Variants in DPYD observed in about 807,000 individuals in gnomAD.
DPYD encodes dihydropyrimidine dehydrogenase.
A neutral mutation model predicts 116.2 loss-of-function variants in DPYD; 109 were observed. The observed-to-expected ratio is 0.94, with a 90% CI of 0.80 to 1.10. The LOEUF (loss-of-function observed/expected upper bound fraction) is 1.10. Ranked by LOEUF, DPYD falls within the 50% of genes least tolerant of loss-of-function variation. The probability of loss-of-function intolerance (pLI) is 0.00; values close to 1 mark genes in which losing one functional copy is unlikely to be tolerated. For missense variants in DPYD, 1,302 were observed against 1,254.5 expected, an observed-to-expected ratio of 1.04 and a Z score of -0.57; for synonymous variants, 440 against 432.0, an observed-to-expected ratio of 1.02 and a Z score of -0.23.
At chr1:97,399,300 G>A (rs945350809) in intron 14 of DPYD, among the ~76,000 whole-genome samples, 4 of 152,018 alleles carry the variant, frequency 2.6e-5, no homozygotes, top group Non-Finnish European at 5.9e-5. Context: ...TGTTCCATTG[G>A]TCTATATCTC....
chr1:97,417,864 G>A (rs993041204), intron 14 of DPYD, among the ~76,000 whole-genome samples: 2 of 151,964 alleles, frequency 1.3e-5, no homozygotes, highest in African/African-American at 4.8e-5. Flanking sequence ...TGTCTCTCTG[G>A]GGAAATTCAT....
chr1:97,465,034 T>C (rs902078814), intron 13 of DPYD, among the ~76,000 whole-genome samples: 5 of 152,170 alleles, frequency 3.3e-5, no homozygotes, highest in African/African-American at 1.2e-4. Context: ...GTGAAGGCCA[T>C]GAAAGCCCAC....
chr1:97,234,715 A>G, intron 19 of DPYD, 137 bp downstream of exon 19: 3 of 1,055,400 alleles, frequency 2.8e-6, no homozygotes, highest in South Asian at 2.8e-5. Context: ...GGAACTTAAT[A>G]CATGCTGCCA....
rs56155632 is a variant in DPYD, at chr1:97,082,100, T to C, written c.2907+230A>G. ...TAATGTTGTGGCTGATGAAATGGTA[T>C]AAAAATAATTCTGTGCATTAAATGC... On this transcript the variant is annotated intron_variant, in intron 22 of 22. Transcript: ENST00000370192. Among the ~76,000 whole-genome samples, 3 of 152,096 alleles carry C rather than the reference T, an allele frequency of 2.0e-5. No homozygotes were observed. The East Asian group carries it at 5.8e-4, about 29-fold the overall frequency.
intron 13 of DPYD, among the ~76,000 whole-genome samples, chr1:97,486,180 CT>C (rs555102848): frequency 3.6e-4 from 55 of 152,088 alleles, no homozygotes; most frequent in African/African-American, 1.3e-3. Context: ...TTTTTAAATG[CT>C]TGTTTTTGAA....
chr1:97,530,634 T>C (rs899570318), intron 12 of DPYD, among the ~76,000 whole-genome samples: 1 of 152,200 alleles, frequency 6.6e-6, no homozygotes, highest in African/African-American at 2.4e-5. Context: ...TTATTTTAGA[T>C]ATATACCCAG....
intron 2 of DPYD, among the ~76,000 whole-genome samples, chr1:97,879,367 T>C (rs1290079556): frequency 6.6e-6 from 1 of 151,982 alleles, no homozygotes; most frequent in Non-Finnish European, 1.5e-5. Context: ...GCTAATTGGC[T>C]GTCTTTAACT....
At chr1:97,157,214 T>C (rs1485755423) in intron 20 of DPYD, among the ~76,000 whole-genome samples, 1 of 151,706 alleles carries the variant, frequency 6.6e-6, no homozygotes, top group Non-Finnish European at 1.5e-5. Flanking sequence ...CATGTATACA[T>C]ATGTAACTAA....
At chr1:97,403,634 C>T (rs55912562) in intron 14 of DPYD, among the ~76,000 whole-genome samples, 29,019 of 151,750 alleles carry the variant, frequency 0.19, 2,931 homozygotes, top group South Asian at 0.36. Context: ...TTTTAGTGTC[C>T]CTGGGACCCG....
chr1:97,595,466 G>A (rs1160091592), intron 8 of DPYD, among the ~76,000 whole-genome samples: 3 of 151,606 alleles, frequency 2.0e-5, no homozygotes, highest in Non-Finnish European at 4.4e-5. Context: ...GGAAAATCAG[G>A]TTATATTCTT....
intron 14 of DPYD, among the ~76,000 whole-genome samples, chr1:97,431,004 A>T (rs1675148889): frequency 2.6e-5 from 4 of 152,222 alleles, no homozygotes; most frequent in South Asian, 4.1e-4. Flanking sequence ...GGAGGAAATT[A>T]AAAAATAGGG....
chr1:97,158,469 C>G (rs1283588943), intron 20 of DPYD, among the ~76,000 whole-genome samples: 1 of 51,016 alleles, frequency 2.0e-5, no homozygotes, highest in Non-Finnish European at 5.1e-5. Flanking sequence ...AGATAACTCA[C>G]CAGACACACA....
intron 18 of DPYD, among the ~76,000 whole-genome samples, chr1:97,242,994 C>A (rs1662478248): frequency 6.6e-6 from 1 of 151,808 alleles, no homozygotes; most frequent in Non-Finnish European, 1.5e-5. Context: ...ATTCAGCATA[C>A]ACGATTGGTT....
intron 20 of DPYD, among the ~76,000 whole-genome samples, chr1:97,134,537 T>G (rs1409833048): frequency 1.3e-5 from 2 of 152,154 alleles, no homozygotes; most frequent in African/African-American, 2.4e-5. Flanking sequence ...AAGAATTAAA[T>G]GAATTGAATT....
At chr1:97,178,014 C>T (rs1364644854) in intron 20 of DPYD, among the ~76,000 whole-genome samples, 2 of 152,074 alleles carry the variant, frequency 1.3e-5, no homozygotes, top group African/African-American at 2.4e-5. Context: ...TTATTGCCTT[C>T]CAAAGGCCCC....
intron 3 of DPYD, among the ~76,000 whole-genome samples, chr1:97,768,988 C>G (rs1666012145): frequency 6.6e-6 from 1 of 151,458 alleles, no homozygotes; most frequent in African/African-American, 2.4e-5. Context: ...ATAAAAAACT[C>G]GAGTATTAAA....
intron 20 of DPYD, among the ~76,000 whole-genome samples, chr1:97,102,481 A>ATCTATCTG (rs1177036468): frequency 3.6e-5 from 3 of 83,020 alleles, no homozygotes; most frequent in South Asian, 9.6e-4. Flanking sequence ...CTATCTATCT[A>ATCTATCTG]TCTATCTATC....
At chr1:97,471,333 C>T (rs34044808) in intron 13 of DPYD, among the ~76,000 whole-genome samples, 1 of 151,676 alleles carries the variant, frequency 6.6e-6, no homozygotes, top group Non-Finnish European at 1.5e-5. Context: ...ACAAAGAGTC[C>T]GGGAAGGAGA....
At chr1:97,301,218 A>T (rs1589343) in intron 18 of DPYD, among the ~76,000 whole-genome samples, 47,262 of 151,954 alleles carry the variant, frequency 0.31, 7,698 homozygotes, top group Non-Finnish European at 0.35. Context: ...AAATCTTAAA[A>T]GCCATCTTTT....
Sources: gnomAD v4.1 joint callset for allele counts (sites outside exome capture counted in the v4.1 genomes callset) on GRCh38, gnomAD v4.1.1 for gene constraint, MANE v1.5 for transcripts, NCBI Gene and HGNC (gene_info 2026-07-23, HGNC 2026-07-21) for gene names.